Variants in CCDC30 observed in about 807,000 individuals in gnomAD.
CCDC30 encodes the protein coiled-coil domain containing 30.
CCDC30 carries 70 observed loss-of-function variants against 100.2 expected under a neutral mutation model. That is an observed-to-expected ratio of 0.70 (90% CI 0.58 to 0.85). The LOEUF is 0.85. Among genes scored for constraint, CCDC30 ranks in the 40% least tolerant of loss-of-function variants. CCDC30 has a pLI of 0.00. For missense variants in CCDC30, 652 were observed against 771.2 expected (o/e 0.85, Z 1.83); for synonymous variants, 233 against 269.5 (o/e 0.86, Z 1.33).
chr1:42,642,729 G>C (rs574964260), intron 13 of CCDC30, 120 bp downstream of exon 17: 21 of 958,892 alleles, frequency 2.2e-5, no homozygotes, highest in Non-Finnish European at 2.7e-5. Context: ...CTCTCGCTCC[G>C]CTGTCTGCTG....
rs1368172415 is a variant in CCDC30, at chr1:42,473,324, A to G, written c.-91-7137A>G. 4 of 1,185,276 alleles carry G rather than the reference A, an allele frequency of 3.4e-6. No individual in the cohort carries two copies. In the African/African-American group the frequency reaches 4.7e-5, roughly 14 times the overall value. 73.4% of individuals were successfully genotyped at this position (1,185,276 alleles called of 1,614,324 possible). ...AAGAAGTGAGAACTAATAGCATAGA[A>G]TTTTAAAGACACCTGTGATTTTGTT... On this transcript the variant is annotated intron_variant, in intron 1 of 16. Coordinates refer to ENST00000668663, the Ensembl canonical transcript of CCDC30.
chr1:42,488,648 A>C (rs144188019), intron 3 of CCDC30, among the ~76,000 whole-genome samples: 1 of 152,340 alleles, frequency 6.6e-6, no homozygotes, highest in East Asian at 1.9e-4. Context: ...AACATGGCAG[A>C]AACTAACCTG....
At chr1:42,543,761 C>T (rs565930777) in intron 6 of CCDC30, among the ~76,000 whole-genome samples, 118 of 152,258 alleles carry the variant, frequency 7.7e-4, no homozygotes, top group African/African-American at 2.8e-3. Context: ...AACCTTCTCC[C>T]CTAGAAAGGT....
chr1:42,650,495 ATATGTG>A (rs1557497617), intron 15 of CCDC30, among the ~76,000 whole-genome samples: 2 of 98,910 alleles, frequency 2.0e-5, no homozygotes, highest in African/African-American at 9.1e-5. Flanking sequence ...AAAAAAATAT[ATATGTG>A]TGTGTGTGTG....
At chr1:42,562,765 AAAAC>A (rs1475253501) in intron 6 of CCDC30, among the ~76,000 whole-genome samples, 1 of 151,986 alleles carries the variant, frequency 6.6e-6, no homozygotes, top group Non-Finnish European at 1.5e-5. Context: ...TTACAAGAAA[AAAAC>A]AACCCCATCA....
chr1:42,486,056 G>T (rs1644045625), intron 3 of CCDC30, among the ~76,000 whole-genome samples: 1 of 152,144 alleles, frequency 6.6e-6, no homozygotes, highest in South Asian at 2.1e-4. Flanking sequence ...AAATAGTGAA[G>T]ATACTTTGGA....
exon 5 of CCDC30, chr1:42,497,200 T>C (rs1644244538): frequency 4.1e-6 from 5 of 1,233,230 alleles, no homozygotes; most frequent in Non-Finnish European, 5.1e-6. Flanking sequence ...GAAAAAAAGG[T>C]GCTTGGTGAA....
intron 6 of CCDC30, among the ~76,000 whole-genome samples, chr1:42,524,366 T>A (rs1276367280): frequency 6.6e-6 from 1 of 152,170 alleles, no homozygotes; most frequent in Non-Finnish European, 1.5e-5. Context: ...CAGTTTCCTC[T>A]CTATACGCAG....
At chr1:42,534,806 T>G (rs1209066639) in intron 6 of CCDC30, 1 of 152,212 alleles carries the variant, frequency 6.6e-6, no homozygotes, top group Non-Finnish European at 1.5e-5. Context: ...TCAGGGCTAC[T>G]ACCTCAGAAG....
chr1:42,517,680 A>G (rs1402405661), intron 6 of CCDC30, among the ~76,000 whole-genome samples: 41 of 152,130 alleles, frequency 2.7e-4, no homozygotes, highest in Admixed American at 2.7e-3. Flanking sequence ...TCTTTCCTCC[A>G]TCGTCTTTGC....
intron 4 of CCDC30, among the ~76,000 whole-genome samples, chr1:42,491,454 G>T (rs896760378): frequency 2.0e-5 from 3 of 152,002 alleles, no homozygotes; most frequent in African/African-American, 7.3e-5. Flanking sequence ...CCAGAGGATG[G>T]GAAGGAGAAT....
chr1:42,458,963 T>C (rs1643321916), upstream of CCDC30, among the ~76,000 whole-genome samples: 1 of 152,188 alleles, frequency 6.6e-6, no homozygotes, highest in Non-Finnish European at 1.5e-5. Flanking sequence ...CTGCCAAATA[T>C]TTGTATGAAC....
rs1317068351 is a variant in CCDC30 at position 42,568,008 on chromosome 1, C to T, written c.636+1533C>T. Among the ~76,000 whole-genome samples the T allele has an allele frequency of 2.0e-5, 3 of 152,018 alleles. No individual in the cohort carries two copies. In the East Asian group the frequency reaches 5.8e-4, roughly 29 times the overall value. On this transcript the variant is annotated intron_variant, in intron 7 of 16. Coordinates refer to ENST00000668663, the Ensembl canonical transcript of CCDC30. ...CTCCATGGTGAGATAAATTATTGGC[C>T]ATTTAGAAATAAGACATCAGCCTCT...
chr1:42,653,790 T>G (rs758016242), intron 16 of CCDC30, 28 bp from the exon 21 acceptor site: 106 of 1,555,628 alleles, frequency 6.8e-5, no homozygotes, highest in Non-Finnish European at 8.8e-5. Context: ...TCTATGTACA[T>G]GATGTCCTCA....
At chr1:42,628,848 A>G (rs541478360) in intron 11 of CCDC30, among the ~76,000 whole-genome samples, 1 of 152,308 alleles carries the variant, frequency 6.6e-6, no homozygotes, top group African/African-American at 2.4e-5. Flanking sequence ...ACACTATCTT[A>G]TAGCTAATTA....
At chr1:42,634,249 CAAAAAAAAA>C (rs754829759) in intron 11 of CCDC30, among the ~76,000 whole-genome samples, 3 of 115,318 alleles carry the variant, frequency 2.6e-5, no homozygotes, top group South Asian at 2.9e-4. Flanking sequence ...AAGACTGTCT[CAAAAAAAAA>C]AAAAAAAAAA....
chr1:42,480,520 C>A, exon 2 of CCDC30: 3 of 651,848 alleles, frequency 4.6e-6, no homozygotes, highest in Non-Finnish European at 5.7e-6. Flanking sequence ...ACCTCCTGGG[C>A]TCAAGTAATC....
chr1:42,627,660 G>T (rs1474012588), intron 11 of CCDC30, among the ~76,000 whole-genome samples: 1 of 152,204 alleles, frequency 6.6e-6, no homozygotes, highest in Non-Finnish European at 1.5e-5. Flanking sequence ...AGCCACTCCA[G>T]CCATGGCTGA....
chr1:42,518,522 C>T (rs999593439), intron 6 of CCDC30, among the ~76,000 whole-genome samples: 1 of 152,098 alleles, frequency 6.6e-6, no homozygotes, highest in Non-Finnish European at 1.5e-5. Context: ...TATACAAATA[C>T]CATTTTGTTT....
Sources: gnomAD v4.1 joint callset for allele counts (sites outside exome capture counted in the v4.1 genomes callset) on GRCh38, gnomAD v4.1.1 for gene constraint, MANE v1.5 for transcripts, NCBI Gene and HGNC (gene_info 2026-07-23, HGNC 2026-07-21) for gene names.